SHISA9: variants seen among roughly 807,000 people sequenced by gnomAD.
SHISA9 encodes shisa family member 9.
SHISA9 carries 13 observed loss-of-function variants against 38.0 expected under a neutral mutation model. The ratio of observed to expected loss-of-function variants is 0.34; its 90% CI spans 0.22 to 0.54. The LOEUF (loss-of-function observed/expected upper bound fraction) is 0.54. SHISA9 is among the 20% of genes least tolerant of loss of function. SHISA9 has a pLI of 0.91. For synonymous variants in SHISA9, 275 were observed against 242.0 expected (o/e 1.14, Z -1.27); for missense variants, 538 against 575.8 (o/e 0.93, Z 0.67).
chr16:13,342,927 T>C, the SHISA9 span, among the ~76,000 whole-genome samples: 2 of 152,196 alleles, frequency 1.3e-5, no homozygotes, highest in Non-Finnish European at 2.9e-5. Flanking sequence ...TTACATCCTA[T>C]GACGTTTTCC....
chr16:13,544,637 G>A, the SHISA9 span, among the ~76,000 whole-genome samples: 1 of 151,946 alleles, frequency 6.6e-6, no homozygotes, highest in Non-Finnish European at 1.5e-5. Flanking sequence ...GTGTGAGTTT[G>A]GAGCCTTGTA....
intron 1 of SHISA9, chr16:12,911,299 G>C (rs2071180156): frequency 1.0e-6 from 1 of 985,224 alleles, no homozygotes; most frequent in Non-Finnish European, 1.2e-6. Context: ...GCAAACAAAC[G>C]CCAAATTCTT....
At chr16:13,090,378 A>T (rs1297739481) in intron 2 of SHISA9, among the ~76,000 whole-genome samples, 2 of 152,168 alleles carry the variant, frequency 1.3e-5, no homozygotes, top group African/African-American at 4.8e-5. Context: ...TGTCTCACTG[A>T]TCTGTCTAAT....
chr16:13,436,597 T>C, the SHISA9 span, among the ~76,000 whole-genome samples: 9 of 152,206 alleles, frequency 5.9e-5, no homozygotes, highest in Non-Finnish European at 1.2e-4. Context: ...TTCCTTTACT[T>C]TCTTAATAAA....
chr16:13,037,111 C>CAG (rs1318865575), intron 2 of SHISA9, among the ~76,000 whole-genome samples: 1,803 of 53,632 alleles, frequency 0.034, 58 homozygotes, highest in African/African-American at 0.093. Context: ...CACACACAGA[C>CAG]ACACACACAC....
At chr16:13,552,623 C>G in the SHISA9 span, among the ~76,000 whole-genome samples, 1 of 152,166 alleles carries the variant, frequency 6.6e-6, no homozygotes, top group African/African-American at 2.4e-5. Context: ...TGCTCGAGGT[C>G]ACAACGGATG....
At chr16:13,176,898 A>T (rs2050736201) in intron 2 of SHISA9, among the ~76,000 whole-genome samples, 2 of 152,146 alleles carry the variant, frequency 1.3e-5, no homozygotes, top group Non-Finnish European at 2.9e-5. Context: ...TGAAGCCATG[A>T]TGCTGAGTCG....
the SHISA9 span, among the ~76,000 whole-genome samples, chr16:13,247,832 A>T: frequency 6.6e-6 from 1 of 152,176 alleles, no homozygotes; most frequent in Non-Finnish European, 1.5e-5. Context: ...TTTTTAAAAC[A>T]TTATAAAAGG....
intron 2 of SHISA9, among the ~76,000 whole-genome samples, chr16:13,147,036 G>T (rs1217886423): frequency 1.3e-5 from 2 of 152,192 alleles, no homozygotes; most frequent in African/African-American, 4.8e-5. Flanking sequence ...ATGAATGAAT[G>T]AGTGAGTATA....
chr16:13,262,662 A>AAGGGAGGGAGGGAGGGAGGGAGGGAGGG, the SHISA9 span, among the ~76,000 whole-genome samples: 16 of 52,442 alleles, frequency 3.1e-4, no homozygotes, highest in East Asian at 8.9e-4. Context: ...GGAAGGAAGG[A>AAGGGAGGGAGGGAGGGAGGGAGGGAGGG]AGGAAGGAAG....
chr16:13,089,780 GT>G (rs1171858407), intron 2 of SHISA9, among the ~76,000 whole-genome samples: 1 of 152,082 alleles, frequency 6.6e-6, no homozygotes, highest in African/African-American at 2.4e-5. Context: ...TTTTTGAAGT[GT>G]TTTTTGTGTG....
chr16:13,243,159 G>T (rs1272436368), downstream of SHISA9, among the ~76,000 whole-genome samples: 2 of 151,950 alleles, frequency 1.3e-5, no homozygotes, highest in Non-Finnish European at 2.9e-5. Context: ...AGAATGGTGT[G>T]AACCTGGGAG....
chr16:13,350,902 A>G, the SHISA9 span, among the ~76,000 whole-genome samples: 4 of 152,222 alleles, frequency 2.6e-5, no homozygotes, highest in Admixed American at 2.0e-4. Flanking sequence ...ACTTAATCTT[A>G]CAATACAACC....
chr16:12,915,134 G>A (rs1054894887), intron 1 of SHISA9, among the ~76,000 whole-genome samples: 1 of 152,200 alleles, frequency 6.6e-6, no homozygotes, highest in African/African-American at 2.4e-5. Context: ...GCACCCTGGA[G>A]AACTTCTCTG....
chr16:13,184,244 G>A (rs1327466761), intron 2 of SHISA9, among the ~76,000 whole-genome samples: 2 of 151,992 alleles, frequency 1.3e-5, no homozygotes, highest in East Asian at 1.9e-4. Context: ...ACCTGTAAAC[G>A]TCCTCACCTG....
chr16:13,192,963 A>AGG (rs1489496526), intron 2 of SHISA9, among the ~76,000 whole-genome samples: 3 of 110,250 alleles, frequency 2.7e-5, no homozygotes, highest in African/African-American at 1.5e-4. Flanking sequence ...GAGGAGGAGG[A>AGG]AAAGAAGAAG....
chr16:13,468,633 T>A, the SHISA9 span, among the ~76,000 whole-genome samples: 2 of 152,246 alleles, frequency 1.3e-5, no homozygotes, highest in South Asian at 4.1e-4. Context: ...CACCAAGTAA[T>A]AAGAGAACTC....
chr16:13,538,034 A>G, the SHISA9 span, among the ~76,000 whole-genome samples: 16,319 of 152,236 alleles, frequency 0.11, 1,018 homozygotes, highest in Non-Finnish European at 0.15. Context: ...AGACTGTTGA[A>G]GTTTCTCTAA....
In SHISA9 at chr16:12,942,868, C is replaced by T. The variant is rs533982225; in HGVS notation, c.691+26053C>T. On this transcript the variant is annotated intron_variant, in intron 2 of 4. Coordinates refer to ENST00000558583, the MANE Select transcript of SHISA9 (RefSeq NM_001145204.3). ...AAAGAAAAAGAGGAGTTTATTGGGA[C>T]GTGTCTCTCACCTTTAGGCACACGT... 5.7e-4 allele frequency among the ~76,000 whole-genome samples: 87 copies of T among 152,202 alleles called. 1 individual carries two copies. The highest frequency in any genetic ancestry group is 2.0e-3 in the African/African-American group (82 of 41,520).
Sources: gnomAD v4.1 joint callset for allele counts (sites outside exome capture counted in the v4.1 genomes callset) on GRCh38, gnomAD v4.1.1 for gene constraint, MANE v1.5 for transcripts, NCBI Gene and HGNC (gene_info 2026-07-23, HGNC 2026-07-21) for gene names.